The following METTL22 variants were observed in gnomAD, a reference collection of about 807,000 sequenced individuals.
METTL22 encodes the protein methyltransferase-like protein 22.
METTL22 carries 51 observed loss-of-function variants against 48.4 expected under a neutral mutation model. The observed-to-expected ratio is 1.05, with a 90% CI of 0.84 to 1.33. The LOEUF (loss-of-function observed/expected upper bound fraction) is 1.33, where lower values mean the gene tolerates loss of function less well. METTL22 is among the 40% of genes most tolerant of loss of function. The pLI, the probability that METTL22 is intolerant of heterozygous loss-of-function variation, is 0.00. For missense variants in METTL22, 678 were observed against 526.9 expected, an observed-to-expected ratio of 1.29 and a Z score of -2.81; for synonymous variants, 255 against 214.1, an observed-to-expected ratio of 1.19 and a Z score of -1.67.
At chr16:8,642,005 A>G (rs1310594422) in intron 7 of METTL22, 122 bp from the exon 8 acceptor site, 2 of 751,108 alleles carry the variant, frequency 2.7e-6, no homozygotes, top group Non-Finnish European at 2.4e-6. Context: ...GGTGGTGCCC[A>G]CTGCACCGAG....
downstream of METTL22, among the ~76,000 whole-genome samples, chr16:8,650,734 TAAATG>T (rs1341668732): frequency 1.3e-5 from 2 of 152,106 alleles, no homozygotes; most frequent in Non-Finnish European, 2.9e-5. Flanking sequence ...CATTTATCAA[TAAATG>T]AAAAAAAGCC....
chr16:8,638,983 C>A lies in METTL22; in HGVS notation c.701-108C>A. 2.7e-6 allele frequency: 3 copies of A among 1,100,490 alleles called. No individual in the cohort carries two copies. In the South Asian group the frequency reaches 3.8e-5, roughly 14 times the overall value. The allele number at this position is 1,100,490 out of a possible 1,614,324, so 68.2% of individuals were successfully genotyped here. ...TAAGACACATAGGAGAAACGTTTCT[C>A]TAATTTCTGCAGTTGTGCTGTTGAT... On this transcript the variant is annotated intron_variant, in intron 5 of 10. Transcript: ENST00000381920.
chr16:8,639,408 G>C, intron 6 of METTL22: 1 of 574,520 alleles, frequency 1.7e-6, no homozygotes, highest in Non-Finnish European at 3.1e-6. Context: ...CCGGACACTG[G>C]CGGCGGCCCC....
At position 8,625,715 on chromosome 16, in the gene METTL22, G is replaced by A. The variant is rs1206864038; in HGVS notation, c.50G>A (p.Ser17Asn). The A allele has an allele frequency of 1.2e-6, 2 of 1,614,192 alleles. No individual in the cohort carries two copies. The highest frequency in any genetic ancestry group is 1.3e-5 in the African/African-American group (1 of 75,040). The change falls in exon 2 of 11, where the codon AGC becomes AAC. Residue 17 changes from serine (S) to asparagine (N), a missense_variant. Physicochemically the swap from Ser to Asn is conservative, Grantham distance 46. Coordinates refer to ENST00000381920, the MANE Select transcript of METTL22 (RefSeq NM_024109.4). ...AAAMDEVTFRSDTVLSDVHLY... is the reference protein window; with the variant it reads ...AAAMDEVTFRNDTVLSDVHLY... Reference sequence around the variant, plus strand: ...GCCATGGACGAGGTCACCTTTAGGAGCGACACTGTGCTGTCAGATGTCCAC... The same window carrying A: ...GCCATGGACGAGGTCACCTTTAGGAACGACACTGTGCTGTCAGATGTCCAC...
intron 9 of METTL22, among the ~76,000 whole-genome samples, chr16:8,643,689 G>A (rs575323100): frequency 6.6e-6 from 1 of 152,168 alleles, no homozygotes; most frequent in East Asian, 1.9e-4. Context: ...TCTCGGCTCA[G>A]CACAAGCGCC....
Position 8,644,647 on chromosome 16 carries a change from T to C in METTL22, c.1101T>C (p.Asp367=), listed in dbSNP as rs1476064118. 1.2e-6 allele frequency: 2 copies of C among 1,606,888 alleles called. No homozygotes were observed. The highest frequency in any genetic ancestry group is 1.7e-6 in the Non-Finnish European group (2 of 1,176,912). Residue 367 remains aspartate, a synonymous_variant, in exon 10 of 11, where the codon GAT becomes GAC. Coordinates refer to ENST00000381920, the MANE Select transcript of METTL22 (RefSeq NM_024109.4). ...SCLHALEQLA[D]GKLRFVVEPV... Reference sequence around the variant, plus strand: ...TGCACGCGCTGGAGCAGCTCGCAGATGGCAAGCTGCGCTTCGTGGTGGAGC... The same window carrying C: ...TGCACGCGCTGGAGCAGCTCGCAGACGGCAAGCTGCGCTTCGTGGTGGAGC...
At chr16:8,634,587 T>C (rs2056366552) in intron 3 of METTL22, among the ~76,000 whole-genome samples, 1 of 152,200 alleles carries the variant, frequency 6.6e-6, no homozygotes, top group Admixed American at 6.5e-5. Context: ...GATTTCTAAG[T>C]ATGAGAAAAT....
intron 3 of METTL22, among the ~76,000 whole-genome samples, chr16:8,630,801 C>T (rs573677687): frequency 2.0e-5 from 3 of 152,210 alleles, no homozygotes; most frequent in Non-Finnish European, 2.9e-5. Flanking sequence ...AGCTGTCAGT[C>T]ACTCACTACC....
chr16:8,628,657 C>A, intron 2 of METTL22, 73 bp from the exon 3 acceptor site: 1 of 1,519,052 alleles, frequency 6.6e-7, no homozygotes, highest in Non-Finnish European at 8.8e-7. Flanking sequence ...ATCAGATATT[C>A]TCAAAGAAGA....
chr16:8,643,526 G>A (rs1311545805), intron 9 of METTL22, among the ~76,000 whole-genome samples: 15 of 152,214 alleles, frequency 9.9e-5, no homozygotes, highest in Non-Finnish European at 7.3e-5. Context: ...ACTCAGTGAG[G>A]GCAGGGGGCC....
At chr16:8,659,056 C>T in the METTL22 span, among the ~76,000 whole-genome samples, 1 of 152,142 alleles carries the variant, frequency 6.6e-6, no homozygotes, top group Non-Finnish European at 1.5e-5. Context: ...ATCAGCCAGG[C>T]ACGCTGGCTC....
chr16:8,654,557 G>A (rs1473607576), downstream of METTL22, among the ~76,000 whole-genome samples: 2 of 152,214 alleles, frequency 1.3e-5, no homozygotes, highest in African/African-American at 4.8e-5. Context: ...ATGCACGCAT[G>A]CATACACACA....
chr16:8,655,973 C>T, the METTL22 span, among the ~76,000 whole-genome samples: 1 of 152,190 alleles, frequency 6.6e-6, no homozygotes, highest in Non-Finnish European at 1.5e-5. Context: ...CACCACCATG[C>T]CCTCCACCAA....
rs2056513450 is a variant in METTL22, at chr16:8,639,118, G to A, written c.728G>A (p.Cys243Tyr). The change falls in exon 6 of 11, where the codon TGC becomes TAC. Residue 243 changes from cysteine to tyrosine, a missense_variant. By Grantham distance (194) the Cys-to-Tyr change is radical. Transcript: ENST00000381920. ...GTCGGTGCAGATCTCTTGTCCATGT[G>A]CCAGCGAAACATTGCCCTCAACAGC... ...TDVGADLLSM[C>Y]QRNIALNSHL... The A allele has an allele frequency of 6.2e-7, 1 of 1,613,884 alleles. No homozygotes were observed. Among genetic ancestry groups the A allele is most frequent in the Admixed American group, 1.7e-5 (1 of 60,000 alleles).
rs367927669 is a variant in METTL22, at chr16:8,641,164, T to C, written c.806T>C (p.Leu269Pro). 5.3e-5 allele frequency: 86 copies of C among 1,613,934 alleles called. No individual in the cohort carries two copies. Among genetic ancestry groups the C allele is most frequent in the Non-Finnish European group, 6.7e-5 (79 of 1,179,978 alleles). ...GIVRVKELDW[L>P]KDDLCTDPKV... ...GTTAGGGTCAAAGAACTGGACTGGC[T>C]GAAGGACGACCTCTGCACAGGTGTG... Residue 269 changes from leucine (L) to proline (P), a missense_variant, in exon 7 of 11, where the codon CTG becomes CCG. By Grantham distance (98) the Leu-to-Pro change is moderately conservative (BLOSUM62 -3). Transcript: ENST00000381920.
chr16:8,628,978 C>T lies in METTL22; in HGVS notation c.382C>T (p.Pro128Ser), dbSNP rs1216617588. The T allele has an allele frequency of 2.5e-6, 4 of 1,614,064 alleles. No individual in the cohort carries two copies. Among genetic ancestry groups the T allele is most frequent in the East Asian group, 2.2e-5 (1 of 44,878 alleles). Residue 128 changes from proline (P) to serine (S), a missense_variant, in exon 3 of 11, where the codon CCA becomes TCA. Physicochemically the swap from Pro to Ser is moderately conservative, Grantham distance 74. Transcript: ENST00000381920. Reference sequence around the variant, plus strand: ...TGGGGATTTGGACGTGGTGAGAAGACCACGAGCCGCCTCTGATTCCAACCC... The same window carrying T: ...TGGGGATTTGGACGTGGTGAGAAGATCACGAGCCGCCTCTGATTCCAACCC... ...EDGDLDVVRRPRAASDSNPAG... is the reference protein window; with the variant it reads ...EDGDLDVVRRSRAASDSNPAG...
At chr16:8,652,008 A>G (rs1452892868), downstream of METTL22, among the ~76,000 whole-genome samples, 1 of 152,172 alleles carries the variant, frequency 6.6e-6, no homozygotes, top group Non-Finnish European at 1.5e-5. Context: ...CTGCACATGT[A>G]TCCCAGAACT....
At chr16:8,653,509 A>G (rs1057044689), downstream of METTL22, among the ~76,000 whole-genome samples, 13 of 152,224 alleles carry the variant, frequency 8.5e-5, no homozygotes, top group Admixed American at 4.6e-4. Context: ...GGTATAAAAC[A>G]TGGAAGAAGA....
At chr16:8,624,067 G>A (rs2055954704) in intron 1 of METTL22, 1 of 152,248 alleles carries the variant, frequency 6.6e-6, no homozygotes. Flanking sequence ...TGTGGCTGAA[G>A]AAACAGATGC....
Sources: gnomAD v4.1 joint callset for allele counts (sites outside exome capture counted in the v4.1 genomes callset) on GRCh38, gnomAD v4.1.1 for gene constraint, MANE v1.5 for transcripts, NCBI Gene and HGNC (gene_info 2026-07-23, HGNC 2026-07-21) for gene names.